The following PLCH2 variants were observed in gnomAD, a reference collection of about 807,000 sequenced individuals.
The protein encoded by PLCH2 is 1-phosphatidylinositol 4,5-bisphosphate phosphodiesterase eta-2.
PLCH2 carries 98 observed loss-of-function variants against 134.7 expected under a neutral mutation model. That is an observed-to-expected ratio of 0.73 (90% CI 0.62 to 0.86). The LOEUF is 0.86. PLCH2 is among the 40% of genes least tolerant of loss of function. PLCH2 has a pLI of 0.00. For synonymous variants in PLCH2, 974 were observed against 827.5 expected, an observed-to-expected ratio of 1.18 and a Z score of -3.04; for missense variants, 1,994 against 1,986.6, an observed-to-expected ratio of 1.00 and a Z score of -0.07.
chr1:2,448,327 TCC>T lies in PLCH2; in HGVS notation c.115+17701_115+17702del, dbSNP rs1177054595. Among the ~76,000 whole-genome samples, 4 of 152,104 alleles carry T rather than the reference TCC, an allele frequency of 2.6e-5. No homozygotes were observed. The highest frequency in any genetic ancestry group is 5.9e-5 in the Non-Finnish European group (4 of 67,994). On this transcript the variant is annotated intron_variant, in intron 2 of 3. Coordinates refer to the PLCH2 transcript ENST00000609981. This position sits in a 1 kb window ranked among gnomAD's most constrained non-coding sequence, Gnocchi z 4.0. Reference sequence around the variant, plus strand: ...GTGGGGCCGCGCTCCCTCTGCAGGCTCCCCGGGAGGAACTTCCTGGCCTCCTC... The same window carrying T: ...GTGGGGCCGCGCTCCCTCTGCAGGCTCCGGGAGGAACTTCCTGGCCTCCTC...
intron 4 of PLCH2, among the ~76,000 whole-genome samples, chr1:2,482,548 G>A (rs1051710482): frequency 2.0e-5 from 3 of 152,336 alleles, no homozygotes; most frequent in Admixed American, 2.0e-4. Context: ...CCTCATCCCA[G>A]CCTTGGTGTG....
Position 2,495,581 on chromosome 1 carries a change from T to G in PLCH2, c.1835+11T>G. 2 of 1,536,694 alleles carry G rather than the reference T, an allele frequency of 1.3e-6. No individual in the cohort carries two copies. Among genetic ancestry groups the G allele is most frequent in the Non-Finnish European group, 1.8e-6 (2 of 1,138,256 alleles). On this transcript the variant is annotated intron_variant, in intron 13 of 21. Coordinates refer to ENST00000378486, the MANE Select transcript of PLCH2 (RefSeq NM_014638.4). ...AGGCCAGAGCCGAGGGTAGGTGCCCTGCCCCACGGGGAGGCCCCGCACACT... is the reference window on the plus strand; with the variant it reads ...AGGCCAGAGCCGAGGGTAGGTGCCCGGCCCCACGGGGAGGCCCCGCACACT...
chr1:2,473,128 C>T (rs531984775), upstream of PLCH2, among the ~76,000 whole-genome samples: 10 of 152,320 alleles, frequency 6.6e-5, no homozygotes, highest in South Asian at 4.1e-4. Context: ...TGACAGCGCG[C>T]GCTCTTCCTC....
At chr1:2,429,398 C>T (rs545543733) in intron 1 of PLCH2, among the ~76,000 whole-genome samples, 2 of 152,186 alleles carry the variant, frequency 1.3e-5, no homozygotes, top group Non-Finnish European at 2.9e-5. Context: ...GGGCACTCAC[C>T]TCCCTGAGGG....
At position 2,448,397 on chromosome 1, in the gene PLCH2, C is replaced by G. The variant is rs930258734; in HGVS notation, c.115+17768C>G. ...GGCGTCCCTTGGGTTGTGGCCGCCTCCTGCTTCTGCCTGTCTTCCCTCGCC... is the reference window on the plus strand; with the variant it reads ...GGCGTCCCTTGGGTTGTGGCCGCCTGCTGCTTCTGCCTGTCTTCCCTCGCC... On this transcript the variant is annotated intron_variant, in intron 2 of 3. Coordinates refer to the PLCH2 transcript ENST00000609981. This position sits in a 1 kb window ranked among gnomAD's most constrained non-coding sequence, Gnocchi z 4.0. 6.6e-6 allele frequency among the ~76,000 whole-genome samples: 1 copy of G among 152,164 alleles called. No homozygotes were observed. Among genetic ancestry groups the G allele is most frequent in the African/African-American group, 2.4e-5 (1 of 41,450 alleles).
upstream of PLCH2, among the ~76,000 whole-genome samples, chr1:2,422,078 C>T (rs1638545334): frequency 6.6e-6 from 1 of 152,118 alleles, no homozygotes; most frequent in Non-Finnish European, 1.5e-5. Flanking sequence ...TGAGACCATC[C>T]TGGCCAACAT....
chr1:2,485,349 G>A (rs911933953), intron 5 of PLCH2, among the ~76,000 whole-genome samples: 2 of 152,238 alleles, frequency 1.3e-5, no homozygotes, highest in Non-Finnish European at 2.9e-5. Flanking sequence ...GCCAGGCAGC[G>A]GAGGGGAAGG....
chr1:2,474,180 G>T (rs1489737777), upstream of PLCH2, among the ~76,000 whole-genome samples: 1 of 152,160 alleles, frequency 6.6e-6, no homozygotes, highest in Non-Finnish European at 1.5e-5. Flanking sequence ...TTGTGTGGGG[G>T]CTGGGCTGGG....
chr1:2,460,286 G>T (rs1284000487), intron 2 of PLCH2, among the ~76,000 whole-genome samples: 1 of 152,260 alleles, frequency 6.6e-6, no homozygotes, highest in Admixed American at 6.5e-5. Context: ...CCTGACCACT[G>T]CTCTGTGTCT....
At chr1:2,427,712 G>A (rs1638866114) in intron 1 of PLCH2, among the ~76,000 whole-genome samples, 1 of 152,178 alleles carries the variant, frequency 6.6e-6, no homozygotes, top group Non-Finnish European at 1.5e-5. Flanking sequence ...GGGAGCTCGC[G>A]ATCCAAGGGA....
At chr1:2,480,053 C>G (rs963144342) in intron 3 of PLCH2, 76 bp downstream of exon 3, 2 of 1,580,602 alleles carry the variant, frequency 1.3e-6, no homozygotes, top group African/African-American at 2.7e-5. Flanking sequence ...GGGGCCTGTC[C>G]TTTGCCGGGT....
intron 9 of PLCH2, 110 bp from the exon 10 acceptor site, chr1:2,489,650 G>T: frequency 1.1e-6 from 1 of 895,034 alleles, no homozygotes; most frequent in South Asian, 1.5e-5. Context: ...TGCCAAAACT[G>T]AGCTTGAGAA....
chr1:2,441,415 G>T (rs2100526909), intron 2 of PLCH2, among the ~76,000 whole-genome samples: 1 of 152,318 alleles, frequency 6.6e-6, no homozygotes, highest in East Asian at 1.9e-4. Flanking sequence ...CAGGAGCCTG[G>T]GGATGTTCAT....
At chr1:2,422,374 G>A (rs1463072077), upstream of PLCH2, among the ~76,000 whole-genome samples, 2 of 152,246 alleles carry the variant, frequency 1.3e-5, no homozygotes, top group African/African-American at 4.8e-5. Context: ...AATCCAGTGA[G>A]AAGAGGGACG....
chr1:2,470,296 G>A (rs1481167928), intron 1 of PLCH2, among the ~76,000 whole-genome samples: 1 of 152,176 alleles, frequency 6.6e-6, no homozygotes, highest in Admixed American at 6.5e-5. Flanking sequence ...GGTGGGGGCC[G>A]ACCCAGGGAG....
Position 2,496,676 on chromosome 1 carries a change from C to T in PLCH2, c.1905C>T (p.Ser635=), listed in dbSNP as rs1325094253. Residue 635 remains serine (S), a synonymous_variant, in exon 14 of 22, where the codon TCC becomes TCT. Transcript: ENST00000378486. ...ALSDLVKYTK[S]VATHDIEMEA... is the part of the protein sequence containing the mutation. The stretch of plus-strand genomic sequence containing the variant: ...CTGACCTGGTGAAGTACACCAAGTC[C>T]GTGGCCACCCACGACATAGAGATGG... 6.2e-6 allele frequency: 10 copies of T among 1,611,820 alleles called. No homozygotes were observed. The highest frequency in any genetic ancestry group is 2.2e-5 in the South Asian group (2 of 90,934).
chr1:2,464,085 C>T (rs1056666445), upstream of PLCH2, among the ~76,000 whole-genome samples: 6 of 152,248 alleles, frequency 3.9e-5, no homozygotes, highest in Non-Finnish European at 8.8e-5. Flanking sequence ...CAGCTGGTTG[C>T]GGGTGTGACC....
chr1:2,419,933 A>G, the PLCH2 span, among the ~76,000 whole-genome samples: 1 of 151,596 alleles, frequency 6.6e-6, no homozygotes, highest in African/African-American at 2.4e-5. Flanking sequence ...GGCTCTTGCC[A>G]ACTCAAAGTT....
chr1:2,422,225 C>T (rs61760857), upstream of PLCH2, among the ~76,000 whole-genome samples: 35,643 of 152,066 alleles, frequency 0.23, 4,775 homozygotes, highest in Middle Eastern at 0.33. Context: ...GCCGAGATCG[C>T]GCCAGTGCAC....
Sources: gnomAD v4.1 joint callset for allele counts (sites outside exome capture counted in the v4.1 genomes callset) on GRCh38, gnomAD v4.1.1 for gene constraint, Gnocchi (gnomAD v3.1) non-coding constraint, MANE v1.5 for transcripts, NCBI Gene and HGNC (gene_info 2026-07-23, HGNC 2026-07-21) for gene names.